The following ST6GALNAC3 variants were observed in gnomAD, a reference collection of about 807,000 sequenced individuals.
The protein encoded by ST6GALNAC3 is alpha-N-acetylgalactosaminide alpha-2,6-sialyltransferase 3.
In ST6GALNAC3, 25 loss-of-function variants were observed where a neutral mutation model predicts 32.7. The observed-to-expected ratio is 0.76, with a 90% CI of 0.56 to 1.07. The LOEUF (loss-of-function observed/expected upper bound fraction) is 1.07, where lower values mean the gene tolerates loss of function less well. Ranked by LOEUF, ST6GALNAC3 falls within the 50% of genes least tolerant of loss-of-function variation. The pLI is 0.00. For synonymous variants in ST6GALNAC3, 129 were observed against 133.1 expected, an observed-to-expected ratio of 0.97 and a Z score of 0.21; for missense variants, 355 against 382.4, an observed-to-expected ratio of 0.93 and a Z score of 0.60.
intron 3 of ST6GALNAC3, among the ~76,000 whole-genome samples, chr1:76,568,626 C>A (rs567508245): frequency 6.6e-6 from 1 of 152,254 alleles, no homozygotes; most frequent in Non-Finnish European, 1.5e-5. Flanking sequence ...GCAGTTTTTA[C>A]CCAACCAAAC....
At chr1:76,386,591 A>G (rs1398283612) in intron 2 of ST6GALNAC3, among the ~76,000 whole-genome samples, 1 of 152,150 alleles carries the variant, frequency 6.6e-6, no homozygotes, top group African/African-American at 2.4e-5. Context: ...GGTAGGGGCT[A>G]TTATCTACAG....
At chr1:76,332,072 C>G (rs1216437293) in intron 2 of ST6GALNAC3, among the ~76,000 whole-genome samples, 1 of 152,174 alleles carries the variant, frequency 6.6e-6, no homozygotes, top group Admixed American at 6.6e-5. Context: ...ATTCTCCTTA[C>G]CCAGAGTTAG....
intron 1 of ST6GALNAC3, among the ~76,000 whole-genome samples, chr1:76,205,652 G>A (rs1483450852): frequency 6.6e-6 from 1 of 152,146 alleles, no homozygotes. Context: ...TAAAGGAGGA[G>A]GGAAATCTAC....
At chr1:76,322,103 A>T (rs1441071308) in intron 2 of ST6GALNAC3, among the ~76,000 whole-genome samples, 1 of 152,188 alleles carries the variant, frequency 6.6e-6, no homozygotes, top group Admixed American at 6.5e-5. Flanking sequence ...TAGAAATTCA[A>T]CTATCAAATT....
chr1:76,100,499 G>A (rs1369901606), intron 1 of ST6GALNAC3, among the ~76,000 whole-genome samples: 1 of 152,074 alleles, frequency 6.6e-6, no homozygotes, highest in Non-Finnish European at 1.5e-5. Context: ...TTTGTAAAAT[G>A]TTGAACAACC....
chr1:76,303,339 A>G (rs1229989178), intron 1 of ST6GALNAC3, among the ~76,000 whole-genome samples: 4 of 152,036 alleles, frequency 2.6e-5, no homozygotes, highest in East Asian at 3.9e-4. Flanking sequence ...GGGGTTTTGC[A>G]AAGGGAGTGG....
intron 2 of ST6GALNAC3, among the ~76,000 whole-genome samples, chr1:76,409,572 A>T (rs1045300211): frequency 1.3e-5 from 2 of 152,128 alleles, no homozygotes; most frequent in Non-Finnish European, 1.5e-5. Flanking sequence ...AATGCCCAGC[A>T]GTAGGCAAAT....
chr1:76,215,029 A>C (rs1175429531), intron 1 of ST6GALNAC3, among the ~76,000 whole-genome samples: 2 of 152,204 alleles, frequency 1.3e-5, no homozygotes, highest in Non-Finnish European at 2.9e-5. Flanking sequence ...AGCTAGCATG[A>C]ACATAGCCTG....
At chr1:76,375,567 A>C (rs781065175) in intron 2 of ST6GALNAC3, among the ~76,000 whole-genome samples, 13 of 152,170 alleles carry the variant, frequency 8.5e-5, no homozygotes, top group Non-Finnish European at 1.3e-4. Flanking sequence ...CAGAGGATGG[A>C]ACAGCGTGAA....
chr1:76,112,562 A>C (rs945778975), intron 1 of ST6GALNAC3, among the ~76,000 whole-genome samples: 2 of 146,534 alleles, frequency 1.4e-5, no homozygotes, highest in African/African-American at 5.2e-5. Context: ...CCGGGCGGAG[A>C]CGCTCCTCAC....
At chr1:76,243,114 CTCT>C (rs1205542349) in intron 1 of ST6GALNAC3, among the ~76,000 whole-genome samples, 2 of 152,146 alleles carry the variant, frequency 1.3e-5, no homozygotes, top group African/African-American at 2.4e-5. Context: ...TCTCCAGAAT[CTCT>C]TGTTTCCTGA....
chr1:76,430,672 G>A (rs1655689560), intron 3 of ST6GALNAC3, among the ~76,000 whole-genome samples: 2 of 152,102 alleles, frequency 1.3e-5, no homozygotes, highest in Non-Finnish European at 2.9e-5. Flanking sequence ...CACTTGTACA[G>A]GCTAGTTTGG....
At position 76,088,679 on chromosome 1, in the gene ST6GALNAC3, T is replaced by C. The variant is rs151040266; in HGVS notation, c.18+13795T>C. Among the ~76,000 whole-genome samples, 1,068 of 152,232 alleles carry C rather than the reference T, an allele frequency of 7.0e-3. 12 individuals carry two copies. Among genetic ancestry groups the C allele is most frequent in the African/African-American group, 0.024 (1,017 of 41,532 alleles). On this transcript the variant is annotated intron_variant, in intron 1 of 4. Coordinates refer to ENST00000328299, the MANE Select transcript of ST6GALNAC3 (RefSeq NM_152996.4). ...ATCTTTTAAAAAGTAAATAAGATCA[T>C]GGCAGCCTATTTGTTTGTTGATCTG...
intron 3 of ST6GALNAC3, among the ~76,000 whole-genome samples, chr1:76,551,481 T>C (rs1470538050): frequency 1.3e-5 from 2 of 152,248 alleles, no homozygotes; most frequent in African/African-American, 4.8e-5. Context: ...TAAGATTTTT[T>C]TCATCTTATT....
At chr1:76,200,677 A>T (rs1654465783) in intron 1 of ST6GALNAC3, among the ~76,000 whole-genome samples, 1 of 152,186 alleles carries the variant, frequency 6.6e-6, no homozygotes, top group African/African-American at 2.4e-5. Context: ...CATTTTTCTG[A>T]AAAAATATAA....
intron 1 of ST6GALNAC3, among the ~76,000 whole-genome samples, chr1:76,228,684 T>G (rs2100630224): frequency 6.6e-6 from 1 of 152,340 alleles, no homozygotes; most frequent in Middle Eastern, 3.4e-3. Context: ...CTCACTTGGT[T>G]TACTTTCAGG....
At chr1:76,266,153 C>T (rs534425112) in intron 1 of ST6GALNAC3, among the ~76,000 whole-genome samples, 99 of 152,214 alleles carry the variant, frequency 6.5e-4, no homozygotes, top group African/African-American at 2.2e-3. Context: ...ATTAATTCAC[C>T]GTATGTTATT....
At chr1:76,529,914 G>A (rs1663149098) in intron 3 of ST6GALNAC3, among the ~76,000 whole-genome samples, 2 of 152,142 alleles carry the variant, frequency 1.3e-5, no homozygotes, top group Admixed American at 6.6e-5. Context: ...GCTCACAAAA[G>A]CAGTTCCTCA....
At chr1:76,278,307 C>T (rs1284910688) in intron 1 of ST6GALNAC3, among the ~76,000 whole-genome samples, 2 of 149,988 alleles carry the variant, frequency 1.3e-5, no homozygotes, top group Admixed American at 6.7e-5. Flanking sequence ...CTGCAAGCTC[C>T]GCCTCCCGGG....
Sources: allele counts gnomAD v4.1 joint callset (sites outside exome capture counted in the v4.1 genomes callset), GRCh38; gene constraint gnomAD v4.1.1; transcripts MANE v1.5; gene names NCBI Gene and HGNC (gene_info 2026-07-23, HGNC 2026-07-21).